The following RBM26 variants were observed in gnomAD, a reference collection of about 807,000 sequenced individuals.
RBM26 encodes the protein RNA binding motif protein 26.
Under a neutral mutation model 123.6 loss-of-function variants are expected in RBM26, and 30 were observed. The ratio of observed to expected loss-of-function variants is 0.24; its 90% CI spans 0.18 to 0.33. The LOEUF (loss-of-function observed/expected upper bound fraction) is 0.33. Among genes scored for constraint, RBM26 ranks in the 10% least tolerant of loss-of-function variants. The pLI is 1.00. For synonymous variants in RBM26, 400 were observed against 404.4 expected (o/e 0.99, Z 0.13); for missense variants, 947 against 1,203.6 (o/e 0.79, Z 3.15).
exon 5 of RBM26, chr13:79,313,614 G>A (rs2066964341): frequency 1.3e-5 from 2 of 151,770 alleles, no homozygotes; most frequent in South Asian, 2.1e-4. Context: ...TGGCTAGTTT[G>A]TAAATGTGAA....
chr13:79,320,273 CAA>C lies in RBM26; in HGVS notation c.*346_*347del. ...AATTCATTCCTTATTTGGAATAAAACAAAGTCCTCTAAGTTATAACAAGTATT... is the reference window on the plus strand; with the variant it reads ...AATTCATTCCTTATTTGGAATAAAACAGTCCTCTAAGTTATAACAAGTATT... On this transcript the variant is annotated 3_prime_UTR_variant, in exon 22 of 22. Coordinates refer to ENST00000438737, the MANE Select transcript of RBM26 (RefSeq NM_001366735.2). 1 of 981,354 alleles carries C rather than the reference CAA, an allele frequency of 1.0e-6. No individual in the cohort carries two copies. The highest frequency in any genetic ancestry group is 1.1e-4 in the East Asian group (1 of 9,252). The allele number at this position is 981,354 out of a possible 1,614,324, so 60.8% of individuals were successfully genotyped here.
intron 1 of RBM26, among the ~76,000 whole-genome samples, chr13:79,405,005 C>G (rs1160857158): frequency 1.3e-5 from 2 of 152,196 alleles, no homozygotes; most frequent in Non-Finnish European, 2.9e-5. Flanking sequence ...TTTGTATTAA[C>G]AAGTCGTCAA....
At chr13:79,393,008 A>AC (rs1376293897) in intron 1 of RBM26, among the ~76,000 whole-genome samples, 1 of 152,178 alleles carries the variant, frequency 6.6e-6, no homozygotes, top group African/African-American at 2.4e-5. Flanking sequence ...AATCAGAAGT[A>AC]CCACAAGCCA....
chr13:79,372,534 A>C (rs1208219843), intron 3 of RBM26, among the ~76,000 whole-genome samples: 1 of 150,894 alleles, frequency 6.6e-6, no homozygotes, highest in Non-Finnish European at 1.5e-5. Context: ...CATTTAACAT[A>C]ATTAATGGAA....
chr13:79,313,847 AG>A (rs1593803536), exon 5 of RBM26: 1 of 149,472 alleles, frequency 6.7e-6, no homozygotes, highest in African/African-American at 2.5e-5. Flanking sequence ...GGGGAAAAAA[AG>A]TTTGCAGAAT....
intron 6 of RBM26, among the ~76,000 whole-genome samples, chr13:79,367,280 G>C (rs556923013): frequency 6.6e-6 from 1 of 151,626 alleles, no homozygotes; most frequent in African/African-American, 2.4e-5. Context: ...GGTGGCTGGC[G>C]CCCATAAGCC....
chr13:79,391,484 C>T (rs930883589), intron 1 of RBM26, among the ~76,000 whole-genome samples: 15 of 152,024 alleles, frequency 9.9e-5, no homozygotes, highest in Non-Finnish European at 2.1e-4. Flanking sequence ...AGTGCGGTGG[C>T]GCCATCTAGC....
chr13:79,322,532 G>A (rs527797753), intron 20 of RBM26, 70 bp from the exon 21 acceptor site: 24 of 991,038 alleles, frequency 2.4e-5, no homozygotes, highest in Non-Finnish European at 3.4e-5. Context: ...ATGTCATAGT[G>A]CCTAACATTA....
At chr13:79,345,076 C>T (rs3752994) in intron 14 of RBM26, among the ~76,000 whole-genome samples, 76,709 of 151,900 alleles carry the variant, frequency 0.5, 19,766 homozygotes, top group Middle Eastern at 0.6. Flanking sequence ...ACTATTACTA[C>T]ATCACTGAGA....
chr13:79,320,279 C>A lies in RBM26; in HGVS notation c.*342G>T. The A allele has an allele frequency of 1.0e-6, 1 of 984,784 alleles. No individual in the cohort carries two copies. Among genetic ancestry groups the A allele is most frequent in the Non-Finnish European group, 1.2e-6 (1 of 826,372 alleles). The allele number at this position is 984,784 out of a possible 1,614,324, so 61.0% of individuals were successfully genotyped here. A position where few individuals can be genotyped will look rare whatever the true frequency, so the allele number is the denominator to read the frequency against. Reference sequence around the variant, plus strand: ...TTCCTTATTTGGAATAAAACAAAGTCCTCTAAGTTATAACAAGTATTGGTC... The same window carrying A: ...TTCCTTATTTGGAATAAAACAAAGTACTCTAAGTTATAACAAGTATTGGTC... On this transcript the variant is annotated 3_prime_UTR_variant, in exon 22 of 22. Transcript: ENST00000438737.
chr13:79,398,068 G>C (rs1403718970), intron 1 of RBM26, among the ~76,000 whole-genome samples: 1 of 152,136 alleles, frequency 6.6e-6, no homozygotes, highest in Non-Finnish European at 1.5e-5. Context: ...CTATTTCAAA[G>C]TTACTGCATG....
chr13:79,342,886 C>T (rs935583843), intron 16 of RBM26, 55 bp from the exon 17 acceptor site: 2 of 1,100,940 alleles, frequency 1.8e-6, no homozygotes, highest in Non-Finnish European at 2.7e-6. Context: ...TTATCATTAA[C>T]AAAACAAACA....
rs1316436399 is a variant in RBM26, at chr13:79,318,941, G to A, written c.*1680C>T. 7.2e-6 allele frequency: 7 copies of A among 974,412 alleles called. No homozygotes were observed. The highest frequency in any genetic ancestry group is 8.5e-6 in the Non-Finnish European group (7 of 820,260). 60.4% of individuals were successfully genotyped at this position (974,412 alleles called of 1,614,324 possible). A position where few individuals can be genotyped will look rare whatever the true frequency, so the allele number is the denominator to read the frequency against. On this transcript the variant is annotated 3_prime_UTR_variant, in exon 22 of 22. Transcript: ENST00000438737. ...AGAATAGCACATAGTCAACATACAA[G>A]AGACTACATAAAAATAGATCTTTGA...
chr13:79,379,364 T>C (rs1254577504), intron 1 of RBM26, among the ~76,000 whole-genome samples: 1 of 106,454 alleles, frequency 9.4e-6, no homozygotes, highest in Non-Finnish European at 1.8e-5. Context: ...CGAAACCCAG[T>C]CTCTACCAAA....
intron 9 of RBM26, 70 bp downstream of exon 9, chr13:79,365,508 T>A: frequency 4.0e-6 from 5 of 1,253,870 alleles, no homozygotes; most frequent in Non-Finnish European, 5.7e-6. Flanking sequence ...CAAGACCAAC[T>A]GTTCTTTATA....
chr13:79,397,809 T>C (rs1302438944), intron 1 of RBM26, among the ~76,000 whole-genome samples: 2 of 151,808 alleles, frequency 1.3e-5, no homozygotes, highest in Non-Finnish European at 2.9e-5. Flanking sequence ...ATAAGTACAC[T>C]TGGTAAAATT....
Position 79,323,282 on chromosome 13 carries a change from A to G in RBM26, c.2821-820T>C, listed in dbSNP as rs561054375. On this transcript the variant is annotated intron_variant, in intron 20 of 21. Transcript: ENST00000438737. ...CACACAAGATTTATAATACAATCTC[A>G]AAGTACAGCATAATGTGAAATGTAG... Among the ~76,000 whole-genome samples the G allele has an allele frequency of 2.6e-5, 4 of 151,728 alleles. No individual in the cohort carries two copies. In the East Asian group the frequency reaches 7.7e-4, roughly 29 times the overall value.
At chr13:79,377,015 A>G (rs1305725083) in intron 3 of RBM26, 1 of 178,912 alleles carries the variant, frequency 5.6e-6, no homozygotes, top group Non-Finnish European at 1.2e-5. Context: ...GTTCCAAATA[A>G]GAACGCAGGG....
At chr13:79,322,590 CTTT>C (rs2067813163) in intron 20 of RBM26, 128 bp from the exon 21 acceptor site, 6 of 532,076 alleles carry the variant, frequency 1.1e-5, no homozygotes, top group Non-Finnish European at 1.6e-5. Context: ...TGCCCATTTG[CTTT>C]TTGATTATTT....
Sources: gnomAD v4.1 joint callset for allele counts (sites outside exome capture counted in the v4.1 genomes callset) on GRCh38, gnomAD v4.1.1 for gene constraint, MANE v1.5 for transcripts, NCBI Gene and HGNC (gene_info 2026-07-23, HGNC 2026-07-21) for gene names.